CDH4: variants seen among roughly 807,000 people sequenced by gnomAD.
CDH4 encodes the protein cadherin 4, also known as cadherin-4.
CDH4 carries 33 observed loss-of-function variants against 86.0 expected under a neutral mutation model. The ratio of observed to expected loss-of-function variants is 0.38; its 90% CI spans 0.29 to 0.51. The LOEUF (loss-of-function observed/expected upper bound fraction) is 0.51, where lower values mean the gene tolerates loss of function less well. CDH4 is among the 20% of genes least tolerant of loss of function. The probability of loss-of-function intolerance (pLI) is 0.86; values close to 1 mark genes in which losing one functional copy is unlikely to be tolerated. For synonymous variants in CDH4, 555 were observed against 549.4 expected (o/e 1.01, Z -0.14); for missense variants, 1,114 against 1,307.4 (o/e 0.85, Z 2.28).
At chr20:61,837,192 CA>C (rs896197933) in intron 4 of CDH4, among the ~76,000 whole-genome samples, 1 of 151,716 alleles carries the variant, frequency 6.6e-6, no homozygotes, top group African/African-American at 2.4e-5. Context: ...GACCCTGTCT[CA>C]AAAAAAACGG....
intron 4 of CDH4, among the ~76,000 whole-genome samples, chr20:61,776,852 C>A (rs1260207528): frequency 1.3e-5 from 2 of 152,166 alleles, no homozygotes; most frequent in Non-Finnish European, 2.9e-5. Flanking sequence ...CACATGACCA[C>A]GTCTAATTGT....
At chr20:61,678,701 G>A (rs2087473736) in intron 2 of CDH4, among the ~76,000 whole-genome samples, 1 of 152,236 alleles carries the variant, frequency 6.6e-6, no homozygotes. Context: ...TCCTCTGGGA[G>A]TCCGCAGCAG....
intron 2 of CDH4, among the ~76,000 whole-genome samples, chr20:61,381,460 G>A (rs2084900446): frequency 1.3e-5 from 2 of 152,170 alleles, no homozygotes; most frequent in East Asian, 3.9e-4. Flanking sequence ...CATCCACTTA[G>A]CAAGGAGATT....
intron 2 of CDH4, among the ~76,000 whole-genome samples, chr20:61,631,256 T>C (rs1408486751): frequency 1.3e-5 from 2 of 152,136 alleles, no homozygotes; most frequent in African/African-American, 4.8e-5. Flanking sequence ...CATGTCACCA[T>C]AGTGCTGGGG....
At chr20:61,318,296 A>G (rs1345873481) in intron 2 of CDH4, among the ~76,000 whole-genome samples, 1 of 152,210 alleles carries the variant, frequency 6.6e-6, no homozygotes, top group Non-Finnish European at 1.5e-5. Context: ...TGCAGAAGAC[A>G]CCAGCCTGGG....
Position 61,563,796 on chromosome 20 carries a change from G to A in CDH4, c.170-179767G>A, listed in dbSNP as rs115800836. 4.6e-3 allele frequency among the ~76,000 whole-genome samples: 699 copies of A among 152,278 alleles called. 5 individuals are homozygous for A. The highest frequency in any genetic ancestry group is 0.015 in the African/African-American group (615 of 41,548). On this transcript the variant is annotated intron_variant, in intron 2 of 15. Transcript: ENST00000614565. ...CTGTGGAGCTGTGTCCTTTCGCCCC[G>A]TAATGGGCATAGGGTGCGTTATATT...
chr20:61,590,344 G>T (rs943905686), intron 2 of CDH4, among the ~76,000 whole-genome samples: 1 of 152,096 alleles, frequency 6.6e-6, no homozygotes, highest in South Asian at 2.1e-4. Flanking sequence ...TGATCACAGG[G>T]AGCTGCGATG....
chr20:61,637,701 G>A (rs923023300), intron 2 of CDH4, among the ~76,000 whole-genome samples: 2 of 152,132 alleles, frequency 1.3e-5, no homozygotes, highest in Non-Finnish European at 2.9e-5. Context: ...CTAGCATAAA[G>A]CATCTGTGAC....
At chr20:61,818,289 C>A (rs1601019723) in intron 4 of CDH4, among the ~76,000 whole-genome samples, 1 of 152,170 alleles carries the variant, frequency 6.6e-6, no homozygotes, top group African/African-American at 2.4e-5. Flanking sequence ...GTGGGGGAGG[C>A]CCTCTCTGCA....
At chr20:61,831,434 A>G (rs1381488026) in intron 4 of CDH4, among the ~76,000 whole-genome samples, 1 of 152,198 alleles carries the variant, frequency 6.6e-6, no homozygotes, top group Non-Finnish European at 1.5e-5. Context: ...CCTGTGCTCA[A>G]ATCCCTGCAC....
chr20:61,633,232 TCC>T lies in CDH4; in HGVS notation c.170-110330_170-110329del, dbSNP rs1256050079. On this transcript the variant is annotated intron_variant, in intron 2 of 15. Coordinates refer to ENST00000614565, the MANE Select transcript of CDH4 (RefSeq NM_001794.5). ...TTCCATCTCTTCATTCATTCATTCA[TCC>T]ATCCATCTATCCATCTATTTATTCA... Among the ~76,000 whole-genome samples, 147 of 145,718 alleles carry T rather than the reference TCC, an allele frequency of 1.0e-3. 1 individual carries two copies. Among genetic ancestry groups the T allele is most frequent in the African/African-American group, 3.7e-3 (135 of 36,120 alleles).
chr20:61,342,007 T>G (rs1195256144), intron 2 of CDH4, among the ~76,000 whole-genome samples: 1 of 152,202 alleles, frequency 6.6e-6, no homozygotes, highest in Non-Finnish European at 1.5e-5. Flanking sequence ...TAGAAATGCT[T>G]AGGCCATAGT....
Position 61,676,058 on chromosome 20 carries a change from G to A in CDH4, c.170-67505G>A, listed in dbSNP as rs1441457837. Among the ~76,000 whole-genome samples, 1 of 152,188 alleles carries A rather than the reference G, an allele frequency of 6.6e-6. No individual in the cohort carries two copies. Among genetic ancestry groups the A allele is most frequent in the African/African-American group, 2.4e-5 (1 of 41,436 alleles). ...ACGGCCTCAGGATGTCACAGATAAT[G>A]TAATTGGGCAGTCGGTGGGGGGAGC... On this transcript the variant is annotated intron_variant, in intron 2 of 15. Transcript: ENST00000614565. The surrounding 1 kb of genome is among the most constrained non-coding windows in gnomAD (Gnocchi z 4.5).
chr20:61,382,799 G>C (rs1226431688), intron 2 of CDH4, among the ~76,000 whole-genome samples: 1 of 152,012 alleles, frequency 6.6e-6, no homozygotes, highest in Non-Finnish European at 1.5e-5. Context: ...GAAATACTCA[G>C]TGCCAGGGAG....
At chr20:61,361,335 G>A (rs28597974) in intron 2 of CDH4, among the ~76,000 whole-genome samples, 34,273 of 152,024 alleles carry the variant, frequency 0.23, 4,353 homozygotes, top group East Asian at 0.34. Context: ...TTATTTCTTA[G>A]CTTTCATGAT....
At chr20:61,932,955 A>G in intron 13 of CDH4, 30 bp from the exon 14 acceptor site, 2 of 1,605,696 alleles carry the variant, frequency 1.2e-6, no homozygotes, top group Non-Finnish European at 1.7e-6. Context: ...CCCGCAGCAC[A>G]CCCTGCTCAC....
chr20:61,504,643 C>T (rs1403537124), intron 2 of CDH4, among the ~76,000 whole-genome samples: 20 of 152,202 alleles, frequency 1.3e-4, no homozygotes, highest in Admixed American at 1.3e-3. Flanking sequence ...CAGGCCCCAG[C>T]CCCTCGTTAA....
intron 2 of CDH4, among the ~76,000 whole-genome samples, chr20:61,470,411 T>G (rs1290099635): frequency 1.6e-5 from 1 of 61,680 alleles, no homozygotes; most frequent in Admixed American, 2.5e-4. Context: ...TCACTGAATT[T>G]ATTTATCTGT....
intron 2 of CDH4, among the ~76,000 whole-genome samples, chr20:61,558,489 T>A (rs866522517): frequency 7.2e-5 from 11 of 152,324 alleles, no homozygotes; most frequent in Middle Eastern, 3.4e-3. Flanking sequence ...TGTAGCTCTC[T>A]GGGGCTACCT....
Sources: gnomAD v4.1 joint callset for allele counts (sites outside exome capture counted in the v4.1 genomes callset) on GRCh38, gnomAD v4.1.1 for gene constraint, Gnocchi (gnomAD v3.1) non-coding constraint, MANE v1.5 for transcripts, NCBI Gene and HGNC (gene_info 2026-07-23, HGNC 2026-07-21) for gene names.